The following PDE1C variants were observed in gnomAD, a reference collection of about 807,000 sequenced individuals.
PDE1C encodes the protein dual specificity calcium/calmodulin-dependent 3',5'-cyclic nucleotide phosphodiesterase 1C.
A neutral mutation model predicts 93.1 loss-of-function variants in PDE1C; 62 were observed. The observed-to-expected ratio is 0.67, with a 90% CI of 0.54 to 0.82. The LOEUF (loss-of-function observed/expected upper bound fraction) is 0.82, where lower values mean the gene tolerates loss of function less well. Among genes scored for constraint, PDE1C ranks in the 40% least tolerant of loss-of-function variants. The probability of loss-of-function intolerance (pLI) is 0.00; values close to 1 mark genes in which losing one functional copy is unlikely to be tolerated. For missense variants in PDE1C, 742 were observed against 884.6 expected (o/e 0.84, Z 2.04); for synonymous variants, 325 against 310.1 (o/e 1.05, Z -0.50).
At chr7:32,132,918 C>T (rs548143868) in intron 3 of PDE1C, among the ~76,000 whole-genome samples, 6 of 152,038 alleles carry the variant, frequency 3.9e-5, no homozygotes, top group African/African-American at 9.6e-5. Context: ...AGAATAACTC[C>T]GAGATTTTTA....
At chr7:31,694,121 AG>A in the PDE1C span, among the ~76,000 whole-genome samples, 1 of 152,232 alleles carries the variant, frequency 6.6e-6, no homozygotes, top group Admixed American at 6.5e-5. Context: ...AGGTCAGAGA[AG>A]ACATATGCAG....
At chr7:32,146,275 A>C (rs1800829919) in intron 3 of PDE1C, among the ~76,000 whole-genome samples, 1 of 152,092 alleles carries the variant, frequency 6.6e-6, no homozygotes, top group Non-Finnish European at 1.5e-5. Context: ...AATGACCACA[A>C]CCTTAGTAGC....
intron 11 of PDE1C, among the ~76,000 whole-genome samples, chr7:31,832,210 CTA>C (rs1189848087): frequency 6.6e-6 from 1 of 152,104 alleles, no homozygotes; most frequent in Non-Finnish European, 1.5e-5. Flanking sequence ...GGGAAAAATA[CTA>C]TAGACACGGA....
intron 1 of PDE1C, among the ~76,000 whole-genome samples, chr7:32,254,792 T>C (rs1809666083): frequency 6.6e-6 from 1 of 151,954 alleles, no homozygotes; most frequent in Non-Finnish European, 1.5e-5. Flanking sequence ...GGAGTTATAC[T>C]CCACTCCAAG....
At chr7:31,908,838 G>A (rs896409436) in intron 2 of PDE1C, among the ~76,000 whole-genome samples, 1 of 152,048 alleles carries the variant, frequency 6.6e-6, no homozygotes, top group Non-Finnish European at 1.5e-5. Context: ...TTGACGTGAA[G>A]GTATTTTGTA....
the PDE1C span, among the ~76,000 whole-genome samples, chr7:31,705,987 T>A: frequency 3.4e-5 from 1 of 29,212 alleles, no homozygotes; most frequent in African/African-American, 2.7e-4. Context: ...AGACCAGTAA[T>A]TTTTTTTTTT....
the PDE1C span, among the ~76,000 whole-genome samples, chr7:31,672,020 T>C: frequency 1.3e-5 from 2 of 152,200 alleles, no homozygotes; most frequent in African/African-American, 4.8e-5. Context: ...GAAAACCCCA[T>C]TTGGGAATTT....
At chr7:32,389,193 T>G (rs2015473) in intron 1 of PDE1C, among the ~76,000 whole-genome samples, 221 of 122,836 alleles carry the variant, frequency 1.8e-3, no homozygotes, top group African/African-American at 6.0e-3. Context: ...TGTGTGTGGT[T>G]TTTTTGGTTT....
intron 1 of PDE1C, among the ~76,000 whole-genome samples, chr7:32,416,856 G>A (rs11978238): frequency 0.18 from 27,041 of 152,038 alleles, 5,130 homozygotes; most frequent in African/African-American, 0.48. Flanking sequence ...GCAGAGGAAC[G>A]GGTATCATCT....
chr7:32,053,197 G>C (rs1307718483), intron 1 of PDE1C, among the ~76,000 whole-genome samples: 3 of 152,166 alleles, frequency 2.0e-5, no homozygotes, highest in Non-Finnish European at 4.4e-5. Context: ...AAAGTGGGAA[G>C]AATCAGAGCC....
chr7:32,357,320 C>G (rs11772661), intron 1 of PDE1C, among the ~76,000 whole-genome samples: 2 of 143,928 alleles, frequency 1.4e-5, no homozygotes, highest in South Asian at 4.3e-4. Flanking sequence ...GGCAACAGAG[C>G]GAGATTCCAT....
intron 2 of PDE1C, among the ~76,000 whole-genome samples, chr7:32,209,034 C>T (rs1805817887): frequency 6.6e-6 from 1 of 152,226 alleles, no homozygotes; most frequent in South Asian, 2.1e-4. Flanking sequence ...TCACGTACCT[C>T]TCCTCACTTT....
intron 1 of PDE1C, among the ~76,000 whole-genome samples, chr7:32,256,112 A>C (rs769353415): frequency 6.6e-6 from 1 of 152,224 alleles, no homozygotes; most frequent in Non-Finnish European, 1.5e-5. Context: ...AGCATTTCAC[A>C]GGAATTGCCT....
At chr7:31,909,355 T>G (rs73686818) in intron 2 of PDE1C, among the ~76,000 whole-genome samples, 2,198 of 152,274 alleles carry the variant, frequency 0.014, 46 homozygotes, top group African/African-American at 0.05. Flanking sequence ...CATCTTTACA[T>G]ACTTAATAGG....
chr7:31,976,138 C>T (rs13226827), intron 2 of PDE1C, among the ~76,000 whole-genome samples: 20,705 of 152,174 alleles, frequency 0.14, 1,700 homozygotes, highest in South Asian at 0.19. Flanking sequence ...AACATGTTAG[C>T]ACATAACAAA....
rs143329427 is a variant in PDE1C at position 31,957,471 on chromosome 7, C to A, written c.129-76611G>T. Reference sequence around the variant, plus strand: ...GATGGAACAAACCTCCTCACCCTCACTGATGCCTTGGGTTCTTACAGTCAA... The same window carrying A: ...GATGGAACAAACCTCCTCACCCTCAATGATGCCTTGGGTTCTTACAGTCAA... On this transcript the variant is annotated intron_variant, in intron 2 of 17. Coordinates refer to ENST00000396191, the MANE Select transcript of PDE1C (RefSeq NM_001191057.4). Among the ~76,000 whole-genome samples, 647 of 152,288 alleles carry A rather than the reference C, an allele frequency of 4.2e-3. 2 individuals carry two copies. The highest frequency in any genetic ancestry group is 0.015 in the African/African-American group (629 of 41,560).
At chr7:32,100,517 G>A (rs1165747935) in intron 3 of PDE1C, among the ~76,000 whole-genome samples, 1 of 152,174 alleles carries the variant, frequency 6.6e-6, no homozygotes, top group Non-Finnish European at 1.5e-5. Context: ...TTTTCAGAAA[G>A]CCATGTAATT....
At position 31,873,367 on chromosome 7, in the gene PDE1C, C is replaced by T. The variant is rs1175393227; in HGVS notation, c.534G>A (p.Glu178=). 1.9e-6 allele frequency: 3 copies of T among 1,613,684 alleles called. No individual in the cohort carries two copies. Among genetic ancestry groups the T allele is most frequent in the Non-Finnish European group, 2.5e-6 (3 of 1,179,726 alleles). The part of the protein sequence containing the change: ...KWSFDVFSLN[E]ASGDHALKFI... Reference sequence around the variant, plus strand: ...ATTTCAGTGCATGATCCCCACTGGCCTCATTGAGGGAAAAGACGTCAAAGG... The same window carrying T: ...ATTTCAGTGCATGATCCCCACTGGCTTCATTGAGGGAAAAGACGTCAAAGG... Residue 178 remains glutamate (E), a synonymous_variant, in exon 6 of 18, where the codon GAG becomes GAA. Coordinates refer to ENST00000396191, the MANE Select transcript of PDE1C (RefSeq NM_001191057.4).
the PDE1C span, chr7:31,692,406 T>C: frequency 6.2e-5 from 93 of 1,504,042 alleles, no homozygotes; most frequent in Non-Finnish European, 8.2e-5. Flanking sequence ...ACTTCCTTAG[T>C]GCTGGAGAAG....
Sources: gnomAD v4.1 joint callset for allele counts (sites outside exome capture counted in the v4.1 genomes callset) on GRCh38, gnomAD v4.1.1 for gene constraint, MANE v1.5 for transcripts, NCBI Gene and HGNC (gene_info 2026-07-23, HGNC 2026-07-21) for gene names.